Variants in FAM53B observed in about 807,000 individuals in gnomAD.
FAM53B encodes family with sequence similarity 53 member B.
A neutral mutation model predicts 32.7 loss-of-function variants in FAM53B; 12 were observed. That is an observed-to-expected ratio of 0.37 (90% confidence interval 0.24 to 0.59). FAM53B has a LOEUF of 0.59. Among genes scored for constraint, FAM53B ranks in the 20% least tolerant of loss-of-function variants. The pLI is 0.72. For missense variants in FAM53B, 477 were observed against 577.7 expected (o/e 0.83, Z 1.79); for synonymous variants, 234 against 228.7 (o/e 1.02, Z -0.21).
chr10:124,740,196 C>T (rs73369330), intron 1 of FAM53B, among the ~76,000 whole-genome samples: 20,550 of 152,036 alleles, frequency 0.14, 1,573 homozygotes, highest in African/African-American at 0.19. Context: ...AATCCGAGTT[C>T]TCCCTGACCT....
At chr10:124,670,171 A>G (rs1347621726) in intron 4 of FAM53B, among the ~76,000 whole-genome samples, 3 of 149,066 alleles carry the variant, frequency 2.0e-5, no homozygotes, top group Non-Finnish European at 4.5e-5. Flanking sequence ...ACTCATCACC[A>G]TGAGAGGCAC....
At position 124,651,886 on chromosome 10, in the gene FAM53B, C is replaced by G. The variant is rs919217363; in HGVS notation, c.907-28282G>C. Among the ~76,000 whole-genome samples, 7 of 152,224 alleles carry G rather than the reference C, an allele frequency of 4.6e-5. No individual in the cohort carries two copies. The South Asian group carries it at 8.3e-4, about 18-fold the overall frequency. On this transcript the variant is annotated intron_variant, in intron 4 of 4. Coordinates refer to ENST00000337318, the MANE Select transcript of FAM53B (RefSeq NM_014661.4). The surrounding 1 kb of genome is among the most constrained non-coding windows in gnomAD (Gnocchi z 5.2). The stretch of plus-strand genomic sequence containing the variant: ...GACTGAGGGCGGTTCTCAACCCAGA[C>G]AGCCTTTGCTTGCTGGTTCCTTTAT...
intron 4 of FAM53B, among the ~76,000 whole-genome samples, chr10:124,658,466 T>C (rs1300290396): frequency 6.6e-6 from 1 of 152,214 alleles, no homozygotes; most frequent in Non-Finnish European, 1.5e-5. Flanking sequence ...CCCCCACTCA[T>C]ACATGCAAAA....
chr10:124,708,662 G>A (rs1347848144), intron 1 of FAM53B, among the ~76,000 whole-genome samples: 2 of 152,244 alleles, frequency 1.3e-5, no homozygotes, highest in Non-Finnish European at 2.9e-5. Flanking sequence ...TCCTGGACTC[G>A]CCTTTCAAAG....
intron 4 of FAM53B, among the ~76,000 whole-genome samples, chr10:124,646,310 G>A (rs1291881015): frequency 6.6e-6 from 1 of 152,188 alleles, no homozygotes; most frequent in African/African-American, 2.4e-5. Context: ...TGTTTCCATC[G>A]TGGCTTCAAT....
At chr10:124,642,030 G>A (rs1187711097) in intron 4 of FAM53B, among the ~76,000 whole-genome samples, 4 of 152,226 alleles carry the variant, frequency 2.6e-5, no homozygotes, top group African/African-American at 9.6e-5. Context: ...CTGAACAAAT[G>A]GCGTGCGTGC....
chr10:124,719,877 A>G (rs1950058679), intron 1 of FAM53B, among the ~76,000 whole-genome samples: 1 of 152,084 alleles, frequency 6.6e-6, no homozygotes, highest in African/African-American at 2.4e-5. Context: ...CAAAAAACCA[A>G]CACGGCCGGG....
chr10:124,647,351 T>C (rs1949523726), intron 4 of FAM53B, among the ~76,000 whole-genome samples: 1 of 152,116 alleles, frequency 6.6e-6, no homozygotes, highest in African/African-American at 2.4e-5. Context: ...CCTCGGGTGT[T>C]TCTCTTGCTC....
At position 124,642,033 on chromosome 10, in the gene FAM53B, G is replaced by A. The variant is rs548727301; in HGVS notation, c.907-18429C>T. Among the ~76,000 whole-genome samples the A allele has an allele frequency of 1.2e-4, 18 of 152,338 alleles. No homozygotes were observed. The South Asian group carries it at 1.2e-3, about 11-fold the overall frequency. Reference sequence around the variant, plus strand: ...GCAGGTACACAACTGAACAAATGGCGTGCGTGCATACACGTGTGCATACAT... The same window carrying A: ...GCAGGTACACAACTGAACAAATGGCATGCGTGCATACACGTGTGCATACAT... On this transcript the variant is annotated intron_variant, in intron 4 of 4. Coordinates refer to ENST00000337318, the MANE Select transcript of FAM53B (RefSeq NM_014661.4).
At position 124,681,747 on chromosome 10, in the gene FAM53B, G is replaced by C. The variant is rs1232121081; in HGVS notation, c.766C>G (p.Leu256Val). The change falls in exon 4 of 5, where the codon CTG (leucine) becomes GTG (valine). Residue 256 changes from leucine (L) to valine (V), a missense_variant. Physicochemically the swap from Leu to Val is conservative, Grantham distance 32. Around this residue, in one of 2 missense-constraint regions of FAM53B, gnomAD observed 312 missense variants for 420.2 expected, o/e 0.74. Transcript: ENST00000337318. ...GAAAGGCCGCTGGAGCGTCTCGCCA[G>C]CTCTGGTGTTGAGGCAGGTGTGCTG... ...ANSTPASTPELARRSSGLSRS... is the reference protein window; with the variant it reads ...ANSTPASTPEVARRSSGLSRS... 1.2e-6 allele frequency: 2 copies of C among 1,610,036 alleles called. No homozygotes were observed. Among genetic ancestry groups the C allele is most frequent in the Non-Finnish European group, 1.7e-6 (2 of 1,178,274 alleles).
rs1274649743 is a variant in FAM53B at position 124,623,304 on chromosome 10, G to T, written c.1207C>A (p.Pro403Thr). Residue 403 changes from proline to threonine, a missense_variant, in exon 5 of 5, where the codon CCT becomes ACT. Physicochemically the swap from Pro to Thr is conservative, Grantham distance 38. Around this residue, in one of 2 missense-constraint regions of FAM53B, gnomAD observed 165 missense variants for 157.5 expected, o/e 1.05. Coordinates refer to ENST00000337318, the MANE Select transcript of FAM53B (RefSeq NM_014661.4). ...TCCAGGGAGCAGAGGCTGTTCCCAG[G>T]GGCCCCGCGGTCCCGCCAGGCTGCA... ...PAAAWRDRGAPGNSLCSLDGE... is the reference protein window; with the variant it reads ...PAAAWRDRGATGNSLCSLDGE... 1.9e-6 allele frequency: 3 copies of T among 1,612,308 alleles called. No homozygotes were observed. The African/African-American group carries it at 4.0e-5, about 22-fold the overall frequency.
intron 1 of FAM53B, among the ~76,000 whole-genome samples, chr10:124,738,309 C>A (rs1479461655): frequency 1.3e-5 from 2 of 152,016 alleles, no homozygotes; most frequent in Non-Finnish European, 2.9e-5. Flanking sequence ...TTGCTGCCCC[C>A]CTCTCCAAGA....
At position 124,733,731 on chromosome 10, in the gene FAM53B, C is replaced by G. The variant is rs1391291982; in HGVS notation, c.-175+10282G>C. Among the ~76,000 whole-genome samples, 2 of 152,214 alleles carry G rather than the reference C, an allele frequency of 1.3e-5. No individual in the cohort carries two copies. The highest frequency in any genetic ancestry group is 2.9e-5 in the Non-Finnish European group (2 of 68,038). On this transcript the variant is annotated intron_variant, in intron 1 of 4. Coordinates refer to ENST00000337318, the MANE Select transcript of FAM53B (RefSeq NM_014661.4). This position sits in a 1 kb window ranked among gnomAD's most constrained non-coding sequence, Gnocchi z 4.3. The stretch of plus-strand genomic sequence containing the variant: ...GCCAAGGCGGCACTTGATGAAAATT[C>G]TCAGAGGCTAGTCTCATGCTTCTCC...
chr10:124,696,322 AATGTCAG>A, intron 2 of FAM53B, 110 bp from the exon 3 acceptor site: 1 of 939,956 alleles, frequency 1.1e-6, no homozygotes, highest in East Asian at 2.4e-5. Context: ...GTCCTTTGCC[AATGTCAG>A]ATCAGGGAAA....
intron 4 of FAM53B, among the ~76,000 whole-genome samples, chr10:124,659,168 C>T (rs1345635840): frequency 1.3e-5 from 2 of 152,202 alleles, no homozygotes; most frequent in African/African-American, 4.8e-5. Flanking sequence ...TTGCAGGACA[C>T]ATACAGCCTT....
At chr10:124,648,115 G>A (rs1949531268) in intron 4 of FAM53B, among the ~76,000 whole-genome samples, 1 of 152,138 alleles carries the variant, frequency 6.6e-6, no homozygotes, top group Admixed American at 6.5e-5. Context: ...GGGCACAATG[G>A]CACACCCTGC....
chr10:124,644,201 A>T (rs972442), intron 4 of FAM53B, among the ~76,000 whole-genome samples: 142,892 of 152,206 alleles, frequency 0.94, 67,670 homozygotes, highest in Non-Finnish European at 1. Context: ...ACTTGGCCCC[A>T]CCGAGCCTGC....
At chr10:124,670,068 G>A (rs1226298735) in intron 4 of FAM53B, among the ~76,000 whole-genome samples, 1 of 152,150 alleles carries the variant, frequency 6.6e-6, no homozygotes, top group Non-Finnish European at 1.5e-5. Flanking sequence ...TGAGGCTGAT[G>A]TGTGTGCAGA....
intron 1 of FAM53B, among the ~76,000 whole-genome samples, chr10:124,717,769 G>A (rs964150942): frequency 6.6e-6 from 1 of 152,216 alleles, no homozygotes; most frequent in African/African-American, 2.4e-5. Flanking sequence ...ACAACAACCT[G>A]ATTTAGAGGA....
Sources: gnomAD v4.1 joint callset for allele counts (sites outside exome capture counted in the v4.1 genomes callset) on GRCh38, gnomAD v4.1.1 for gene constraint, gnomAD v4.1.1 regional missense constraint, Gnocchi (gnomAD v3.1) non-coding constraint, MANE v1.5 for transcripts, NCBI Gene and HGNC (gene_info 2026-07-23, HGNC 2026-07-21) for gene names.